Variants in PPM1D observed in about 807,000 individuals in gnomAD.
The protein encoded by PPM1D is protein phosphatase 1D.
PPM1D carries 52 observed loss-of-function variants against 58.3 expected under a neutral mutation model. The ratio of observed to expected loss-of-function variants is 0.89; its 90% CI spans 0.71 to 1.12. The LOEUF (loss-of-function observed/expected upper bound fraction) is 1.12, where lower values mean the gene tolerates loss of function less well. PPM1D is among the 50% of genes most tolerant of loss of function. The pLI is 0.00. For synonymous variants in PPM1D, 278 were observed against 285.1 expected (o/e 0.98, Z 0.25); for missense variants, 564 against 777.2 (o/e 0.73, Z 3.26).
At position 60,663,094 on chromosome 17, in the gene PPM1D, G is replaced by T. The variant is rs1474397743; in HGVS notation, c.1360G>T (p.Ala454Ser). The T allele has an allele frequency of 6.2e-7, 1 of 1,614,032 alleles. No individual in the cohort carries two copies. The change falls in exon 6 of 6, where the codon GCT becomes TCT. Residue 454 changes from alanine (A) to serine (S), a missense_variant. Coordinates refer to ENST00000305921, the MANE Select transcript of PPM1D (RefSeq NM_003620.4). ...CTCAGAGAATTTTTTAGAGGTTTCA[G>T]CTGAGATAGCTCGAGAGAATGTCCA... is the stretch of plus-strand genomic sequence containing the variant. ...AFSENFLEVS[A>S]EIARENVQGV... is the part of the protein sequence containing the mutation.
chr17:60,655,632 C>T (rs1432334146), intron 4 of PPM1D, among the ~76,000 whole-genome samples: 1 of 152,046 alleles, frequency 6.6e-6, no homozygotes, highest in Non-Finnish European at 1.5e-5. Context: ...AAGGCGTGAG[C>T]CACCACACCT....
intron 1 of PPM1D, among the ~76,000 whole-genome samples, chr17:60,612,212 C>T (rs1403697305): frequency 6.6e-6 from 1 of 152,080 alleles, no homozygotes; most frequent in Admixed American, 6.5e-5. Context: ...TGCAATTATC[C>T]CACATTCTCC....
chr17:60,647,819 T>C, intron 3 of PPM1D, 73 bp from the exon 4 acceptor site: 1 of 1,410,708 alleles, frequency 7.1e-7, no homozygotes, highest in Non-Finnish European at 9.8e-7. Context: ...GTAGATTTTC[T>C]CTTTTAATCT....
At position 60,650,039 on chromosome 17, in the gene PPM1D, A is replaced by G. The variant is rs1187692347; in HGVS notation, c.1017+1957A>G. Reference sequence around the variant, plus strand: ...CAAAAACCAGTTTGTAGTGCATTGGAAGAACCTATTTATGAACCATAAAGT... The same window carrying G: ...CAAAAACCAGTTTGTAGTGCATTGGGAGAACCTATTTATGAACCATAAAGT... On this transcript the variant is annotated intron_variant, in intron 4 of 5. Coordinates refer to ENST00000305921, the MANE Select transcript of PPM1D (RefSeq NM_003620.4). Among the ~76,000 whole-genome samples, 5 of 152,332 alleles carry G rather than the reference A, an allele frequency of 3.3e-5. No homozygotes were observed. In the East Asian group the frequency reaches 9.7e-4, roughly 29 times the overall value.
At position 60,646,464 on chromosome 17, in the gene PPM1D, C is replaced by T. The variant is rs542725302; in HGVS notation, c.827-1428C>T. Among the ~76,000 whole-genome samples the T allele has an allele frequency of 2.0e-5, 3 of 152,250 alleles. No individual in the cohort carries two copies. The South Asian group carries it at 6.2e-4, about 32-fold the overall frequency. ...TGAAAGGGGACAAAAATTGTTTAAC[C>T]TCTTGTCTGAAAATCTTTTGCTTTT... On this transcript the variant is annotated intron_variant, in intron 3 of 5. Transcript: ENST00000305921.
chr17:60,656,955 A>C, intron 5 of PPM1D, 114 bp downstream of exon 5: 1 of 1,591,420 alleles, frequency 6.3e-7, no homozygotes, highest in Non-Finnish European at 8.5e-7. Flanking sequence ...AACTCGATTC[A>C]AGAAAGTGAT....
At chr17:60,658,313 C>T (rs1194406204) in intron 5 of PPM1D, among the ~76,000 whole-genome samples, 1 of 152,172 alleles carries the variant, frequency 6.6e-6, no homozygotes, top group Non-Finnish European at 1.5e-5. Context: ...TTATTGCAGT[C>T]TGCTGACTGG....
intron 4 of PPM1D, among the ~76,000 whole-genome samples, chr17:60,652,847 A>T (rs1249680837): frequency 1.3e-5 from 2 of 152,040 alleles, no homozygotes; most frequent in Non-Finnish European, 2.9e-5. Flanking sequence ...CCATTTTAAA[A>T]TTGGATTATT....
chr17:60,654,590 G>A (rs2031400445), intron 4 of PPM1D, among the ~76,000 whole-genome samples: 2 of 151,544 alleles, frequency 1.3e-5, no homozygotes, highest in Admixed American at 6.6e-5. Context: ...AGCCGGGCAC[G>A]GCGGTTCACA....
chr17:60,619,244 T>A (rs763674936), intron 1 of PPM1D, among the ~76,000 whole-genome samples: 2 of 152,030 alleles, frequency 1.3e-5, no homozygotes, highest in Non-Finnish European at 2.9e-5. Context: ...CTGAACGATA[T>A]TCCATTGTGT....
At chr17:60,603,549 G>A (rs1053728504) in intron 1 of PPM1D, among the ~76,000 whole-genome samples, 30 of 152,166 alleles carry the variant, frequency 2.0e-4, no homozygotes, top group African/African-American at 6.5e-4. Context: ...AATCACCTGA[G>A]GTCAGGAGTT....
rs980318574 is a variant in PPM1D, at chr17:60,625,688, A to G, written c.701+1939A>G. 9.2e-5 allele frequency among the ~76,000 whole-genome samples: 14 copies of G among 152,198 alleles called. No individual in the cohort carries two copies. In the South Asian group the frequency reaches 1.0e-3, roughly 11 times the overall value. On this transcript the variant is annotated intron_variant, in intron 2 of 5. Transcript: ENST00000305921. ...GGTAGAGTAATATGAACTCCCATGT[A>G]TATGGGGAAGGTTTAATGATAGAGG...
chr17:60,611,994 CACATGTAGCCACTG>C (rs773877473), intron 1 of PPM1D, among the ~76,000 whole-genome samples: 1 of 151,162 alleles, frequency 6.6e-6, no homozygotes, highest in South Asian at 2.1e-4. Flanking sequence ...GACTGGAGTA[CACATGTAGCCACTG>C]ACTACATGTA....
chr17:60,633,502 G>A (rs1281604095), intron 2 of PPM1D, among the ~76,000 whole-genome samples: 1 of 152,046 alleles, frequency 6.6e-6, no homozygotes, highest in African/African-American at 2.4e-5. Context: ...TCTGCCTCCC[G>A]AGTTCAAGCA....
intron 1 of PPM1D, among the ~76,000 whole-genome samples, chr17:60,609,061 C>G (rs770308008): frequency 6.7e-6 from 1 of 148,472 alleles, no homozygotes; most frequent in African/African-American, 2.5e-5. Context: ...TTATGTATAT[C>G]TTTAACCAAT....
intron 5 of PPM1D, among the ~76,000 whole-genome samples, chr17:60,661,669 C>A (rs1471450751): frequency 6.6e-6 from 1 of 152,112 alleles, no homozygotes; most frequent in Non-Finnish European, 1.5e-5. Context: ...ATTTCCCTAA[C>A]CATTCTCAGA....
chr17:60,619,458 A>G (rs1966647594), intron 1 of PPM1D, among the ~76,000 whole-genome samples: 2 of 152,252 alleles, frequency 1.3e-5, no homozygotes, highest in South Asian at 2.1e-4. Context: ...TTTTAATTCT[A>G]TAATATTTTC....
chr17:60,631,467 C>T (rs546101856), intron 2 of PPM1D, among the ~76,000 whole-genome samples: 6 of 152,008 alleles, frequency 3.9e-5, no homozygotes, highest in South Asian at 2.1e-4. Flanking sequence ...GGTTAAACCC[C>T]GTCTCTACTA....
intron 3 of PPM1D, among the ~76,000 whole-genome samples, chr17:60,639,303 G>T (rs1212004254): frequency 6.6e-6 from 1 of 151,768 alleles, no homozygotes; most frequent in Non-Finnish European, 1.5e-5. Context: ...AAAATACAGG[G>T]GTTTTGCCAT....
Sources: allele counts gnomAD v4.1 joint callset (sites outside exome capture counted in the v4.1 genomes callset), GRCh38; gene constraint gnomAD v4.1.1; transcripts MANE v1.5; gene names NCBI Gene and HGNC (gene_info 2026-07-23, HGNC 2026-07-21).